Variants in ZFHX3 observed in about 807,000 individuals in gnomAD.
ZFHX3 encodes zinc finger homeobox 3.
Under a neutral mutation model 279.1 loss-of-function variants are expected in ZFHX3, and 42 were observed. The observed-to-expected ratio is 0.15, with a 90% CI of 0.12 to 0.19. The LOEUF is 0.19. Ranked by LOEUF, ZFHX3 falls within the 10% of genes least tolerant of loss-of-function variation. The pLI is 1.00. For missense variants in ZFHX3, 4,981 were observed against 4,754.0 expected, an observed-to-expected ratio of 1.05 and a Z score of -1.40; for synonymous variants, 2,293 against 1,957.8, an observed-to-expected ratio of 1.17 and a Z score of -4.52.
At chr16:72,925,908 T>A (rs903283451) in intron 3 of ZFHX3, among the ~76,000 whole-genome samples, 1 of 152,206 alleles carries the variant, frequency 6.6e-6, no homozygotes, top group East Asian at 1.9e-4. Context: ...ACTCATTATA[T>A]AACACATGTC....
chr16:72,814,099 A>C (rs944624428), intron 5 of ZFHX3, among the ~76,000 whole-genome samples: 3 of 152,122 alleles, frequency 2.0e-5, no homozygotes, highest in Admixed American at 6.5e-5. Flanking sequence ...TCCAGTGTTT[A>C]TTTGTCACAG....
chr16:72,962,922 GCCACATCCTGTGGCTCAAGGGT>G (rs1356956529), intron 1 of ZFHX3, among the ~76,000 whole-genome samples: 2 of 152,002 alleles, frequency 1.3e-5, no homozygotes, highest in African/African-American at 2.4e-5. Context: ...TCCCCAATCC[GCCACATCCTGTGGCTCAAGGGT>G]CTCAGGGCAT....
chr16:73,033,227 T>C (rs1378025845), intron 1 of ZFHX3, among the ~76,000 whole-genome samples: 1 of 151,906 alleles, frequency 6.6e-6, no homozygotes, highest in Admixed American at 6.6e-5. Flanking sequence ...AACCCACCAA[T>C]GACCTGGAGA....
intron 3 of ZFHX3, among the ~76,000 whole-genome samples, chr16:73,374,660 G>A (rs2143349070): frequency 6.6e-6 from 1 of 152,274 alleles, no homozygotes; most frequent in South Asian, 2.1e-4. Flanking sequence ...TCCTTACATT[G>A]CAATGGTCGA....
chr16:73,040,145 G>A (rs1012787627), intron 1 of ZFHX3, among the ~76,000 whole-genome samples: 2 of 152,118 alleles, frequency 1.3e-5, no homozygotes, highest in African/African-American at 4.8e-5. Context: ...CTGAACTGGG[G>A]GAGTCACTGG....
intron 2 of ZFHX3, among the ~76,000 whole-genome samples, chr16:73,631,509 A>G (rs2052468371): frequency 6.6e-6 from 1 of 152,168 alleles, no homozygotes; most frequent in Non-Finnish European, 1.5e-5. Context: ...TATGCACACA[A>G]TTGGGGTTAG....
intron 2 of ZFHX3, among the ~76,000 whole-genome samples, chr16:73,471,282 G>A (rs757486804): frequency 3.3e-5 from 5 of 152,288 alleles, no homozygotes; most frequent in East Asian, 1.9e-4. Context: ...CGAGGTGATC[G>A]ACCATAGTGA....
chr16:72,873,638 C>T (rs563112985), intron 4 of ZFHX3, among the ~76,000 whole-genome samples: 1 of 152,166 alleles, frequency 6.6e-6, no homozygotes, highest in East Asian at 1.9e-4. Flanking sequence ...TCAAGTTCGC[C>T]AATTTTTTTC....
chr16:73,036,109 A>G (rs1365398020), intron 1 of ZFHX3, among the ~76,000 whole-genome samples: 2 of 152,174 alleles, frequency 1.3e-5, no homozygotes, highest in African/African-American at 4.8e-5. Context: ...CATACCACAC[A>G]GCACACGCGT....
At chr16:72,981,852 T>C (rs528886647) in intron 1 of ZFHX3, among the ~76,000 whole-genome samples, 1 of 150,552 alleles carries the variant, frequency 6.6e-6, no homozygotes, top group African/African-American at 2.4e-5. Context: ...GCTTCTTCCA[T>C]GCACACAGCG....
Position 73,136,274 on chromosome 16 carries a change from G to A in ZFHX3, c.-1023-5180C>T, listed in dbSNP as rs187053772. Among the ~76,000 whole-genome samples the A allele has an allele frequency of 2.0e-5, 3 of 152,090 alleles. No homozygotes were observed. The East Asian group carries it at 5.8e-4, about 29-fold the overall frequency. ...CCACAGTAAACAAGGAGATCTTGGG[G>A]ACTCCATTTTTGCCACTCTGAGGAC... On this transcript the variant is annotated intron_variant, in intron 6 of 17. Coordinates refer to the ZFHX3 transcript ENST00000641206.
chr16:73,479,033 G>T lies in ZFHX3; in HGVS notation c.-1546-22775C>A, dbSNP rs538160552. ...TGCCACTGCACTCCAGCCTGGGCAA[G>T]AGAGCAAGACTCCATCTCAAAAACA... On this transcript the variant is annotated intron_variant, in intron 2 of 17. Transcript: ENST00000641206. 3.0e-4 allele frequency among the ~76,000 whole-genome samples: 45 copies of T among 152,154 alleles called. No individual in the cohort carries two copies. The South Asian group carries it at 8.9e-3, about 30-fold the overall frequency.
intron 5 of ZFHX3, among the ~76,000 whole-genome samples, chr16:73,169,399 A>G (rs1324362954): frequency 6.6e-6 from 1 of 152,214 alleles, no homozygotes; most frequent in Non-Finnish European, 1.5e-5. Flanking sequence ...CCTGAAAGTC[A>G]TATCTCATGG....
chr16:73,592,568 G>C (rs2052010381), intron 2 of ZFHX3, among the ~76,000 whole-genome samples: 1 of 151,996 alleles, frequency 6.6e-6, no homozygotes, highest in African/African-American at 2.4e-5. Context: ...TGGCATGCTG[G>C]CTGGCCTTAT....
At chr16:72,823,141 C>G (rs571647972) in intron 5 of ZFHX3, among the ~76,000 whole-genome samples, 1 of 152,266 alleles carries the variant, frequency 6.6e-6, no homozygotes, top group African/African-American at 2.4e-5. Context: ...AAAGGTGACA[C>G]AGTCACACAA....
intron 5 of ZFHX3, among the ~76,000 whole-genome samples, chr16:73,228,940 C>G (rs1456578605): frequency 6.6e-6 from 1 of 152,126 alleles, no homozygotes; most frequent in Non-Finnish European, 1.5e-5. Flanking sequence ...TCCCTGCCTG[C>G]TATTTTAGGA....
At chr16:73,499,036 T>C (rs547492365) in intron 2 of ZFHX3, among the ~76,000 whole-genome samples, 1 of 152,196 alleles carries the variant, frequency 6.6e-6, no homozygotes, top group African/African-American at 2.4e-5. Context: ...GGGGTTGGAC[T>C]CATGGGCAAA....
intron 4 of ZFHX3, among the ~76,000 whole-genome samples, chr16:72,856,979 C>A (rs1461503898): frequency 1.3e-5 from 2 of 152,238 alleles, no homozygotes; most frequent in East Asian, 3.9e-4. Context: ...GAACTCCACA[C>A]TGACACCCGC....
intron 4 of ZFHX3, among the ~76,000 whole-genome samples, chr16:73,317,459 A>G (rs935798886): frequency 2.0e-5 from 3 of 152,176 alleles, no homozygotes; most frequent in Admixed American, 1.3e-4. Flanking sequence ...TCAACACACT[A>G]TACTCAAATA....
Sources: allele counts gnomAD v4.1 joint callset (sites outside exome capture counted in the v4.1 genomes callset), GRCh38; gene constraint gnomAD v4.1.1; transcripts MANE v1.5; gene names NCBI Gene and HGNC (gene_info 2026-07-23, HGNC 2026-07-21).